Variants in FAM222A observed in about 807,000 individuals in gnomAD.
FAM222A encodes protein FAM222A.
In FAM222A, 7 loss-of-function variants were observed where a neutral mutation model predicts 25.8. The observed-to-expected ratio is 0.27, with a 90% CI of 0.15 to 0.51. FAM222A has a LOEUF of 0.51. Ranked by LOEUF, FAM222A falls within the 20% of genes least tolerant of loss-of-function variation. FAM222A has a pLI of 0.97. For synonymous variants in FAM222A, 294 were observed against 298.8 expected, an observed-to-expected ratio of 0.98 and a Z score of 0.17; for missense variants, 573 against 640.5, an observed-to-expected ratio of 0.89 and a Z score of 1.14.
chr12:109,736,224 C>G (rs114362873), intron 1 of FAM222A, among the ~76,000 whole-genome samples: 1,620 of 152,334 alleles, frequency 0.011, 25 homozygotes, highest in Middle Eastern at 0.041. Flanking sequence ...TCCTCTCTCT[C>G]AAGTCTCCAT....
At chr12:109,757,345 T>C (rs1888759974) in intron 2 of FAM222A, among the ~76,000 whole-genome samples, 1 of 151,818 alleles carries the variant, frequency 6.6e-6, no homozygotes, top group South Asian at 2.1e-4. Context: ...AGTATCAGGG[T>C]TGGGGAAGGG....
At chr12:109,764,925 CACTTAGG>C (rs1889001009) in intron 2 of FAM222A, among the ~76,000 whole-genome samples, 1 of 152,174 alleles carries the variant, frequency 6.6e-6, no homozygotes, top group Non-Finnish European at 1.5e-5. Context: ...TATTTTAGGC[CACTTAGG>C]AGGAGGCTGC....
intron 2 of FAM222A, among the ~76,000 whole-genome samples, chr12:109,748,334 CTTTTTT>C (rs61492433): frequency 3.7e-5 from 3 of 81,634 alleles, no homozygotes; most frequent in African/African-American, 7.9e-5. Context: ...GGTTTTCTTT[CTTTTTT>C]TTTTTTTTTT....
chr12:109,735,214 C>T (rs1888053331), intron 1 of FAM222A, among the ~76,000 whole-genome samples: 1 of 152,230 alleles, frequency 6.6e-6, no homozygotes, highest in African/African-American at 2.4e-5. Flanking sequence ...AGTCTTCTTC[C>T]TCCCCGTCCC....
At chr12:109,744,400 C>T (rs1422533993) in intron 2 of FAM222A, 172 bp downstream of exon 2, 13 of 985,328 alleles carry the variant, frequency 1.3e-5, no homozygotes, top group African/African-American at 5.2e-5. Context: ...CCCAAAATGA[C>T]ACCCACTCCT....
chr12:109,715,195 C>G (rs905196471), intron 1 of FAM222A, among the ~76,000 whole-genome samples: 1 of 152,012 alleles, frequency 6.6e-6, no homozygotes, highest in East Asian at 1.9e-4. Flanking sequence ...GAAAATTCCC[C>G]GGGAACTCCA....
At chr12:109,767,465 C>T (rs1485086762) in intron 2 of FAM222A, among the ~76,000 whole-genome samples, 3 of 152,184 alleles carry the variant, frequency 2.0e-5, no homozygotes, top group African/African-American at 4.8e-5. Context: ...CACTGCACTC[C>T]AGCCTGGGTG....
chr12:109,735,098 TA>T (rs1420236942), intron 1 of FAM222A, among the ~76,000 whole-genome samples: 1 of 152,324 alleles, frequency 6.6e-6, no homozygotes, highest in African/African-American at 2.4e-5. Context: ...AGCATTGGGC[TA>T]AAAGCTAAGG....
At chr12:109,734,101 C>A (rs1888013320) in intron 1 of FAM222A, 1 of 151,142 alleles carries the variant, frequency 6.6e-6, no homozygotes, top group South Asian at 2.1e-4. Context: ...GTCCCAGCTA[C>A]TTGAGAGGTT....
rs1430428191 is a variant in FAM222A, at chr12:109,768,658, C to T, written c.729C>T (p.Ala243=). 1 of 1,599,008 alleles carries T rather than the reference C, an allele frequency of 6.3e-7. No homozygotes were observed. The highest frequency in any genetic ancestry group is 8.5e-7 in the Non-Finnish European group (1 of 1,178,386). The change falls in exon 3 of 3, where the codon GCC becomes GCT. Residue 243 remains alanine, a synonymous_variant. Transcript: ENST00000538780. ...HGPVPSFPSM[A]YSAAAGLPDC... is the part of the protein sequence containing the mutation. ...CAGTGCCCAGCTTCCCCAGCATGGC[C>T]TACTCGGCTGCAGCCGGTCTGCCCG...
rs776363305 is a variant in FAM222A at position 109,723,722 on chromosome 12, C to T, written c.-47+8825C>T. Among the ~76,000 whole-genome samples, 5 of 152,242 alleles carry T rather than the reference C, an allele frequency of 3.3e-5. No homozygotes were observed. The East Asian group carries it at 7.7e-4, about 24-fold the overall frequency. On this transcript the variant is annotated intron_variant, in intron 1 of 2. Transcript: ENST00000538780. ...GGGCTGCTGTGATGCCGCATCGCAT[C>T]GGCCTGGGCCCCAAGCCCAGAGCAG...
chr12:109,726,388 G>A (rs567664476), intron 1 of FAM222A, among the ~76,000 whole-genome samples: 45 of 152,326 alleles, frequency 3.0e-4, no homozygotes, highest in African/African-American at 1.0e-3. Flanking sequence ...CACAGACCCT[G>A]TGAGGGTGAG....
At chr12:109,755,776 A>C (rs1189589923) in intron 2 of FAM222A, among the ~76,000 whole-genome samples, 1 of 152,248 alleles carries the variant, frequency 6.6e-6, no homozygotes, top group Admixed American at 6.5e-5. Flanking sequence ...TGTGAAAATC[A>C]ATTGACCATA....
chr12:109,725,601 C>A (rs564197484), intron 1 of FAM222A, among the ~76,000 whole-genome samples: 1 of 152,160 alleles, frequency 6.6e-6, no homozygotes, highest in Admixed American at 6.5e-5. Context: ...GAAACATCCC[C>A]ATTTCCTGGG....
intron 1 of FAM222A, chr12:109,720,145 G>C (rs969307508): frequency 1.0e-6 from 1 of 985,448 alleles, no homozygotes; most frequent in African/African-American, 1.7e-5. Flanking sequence ...GGCCAGTCCT[G>C]GCCCCACAGC....
chr12:109,720,220 C>T lies in FAM222A; in HGVS notation c.-47+5323C>T, dbSNP rs1424682945. On this transcript the variant is annotated intron_variant, in intron 1 of 2. Transcript: ENST00000538780. ...GGGGCCCCTGCTATTGTGCAGAGGGCACAGGGGACAAAGGCCTGGGAGGTC... is the reference window on the plus strand; with the variant it reads ...GGGGCCCCTGCTATTGTGCAGAGGGTACAGGGGACAAAGGCCTGGGAGGTC... The T allele has an allele frequency of 9.2e-6, 9 of 981,790 alleles. No individual in the cohort carries two copies. In the African/African-American group the frequency reaches 1.6e-4, roughly 17 times the overall value. The allele number at this position is 981,790 out of a possible 1,614,324, so 60.8% of individuals were successfully genotyped here.
intron 2 of FAM222A, among the ~76,000 whole-genome samples, chr12:109,752,309 C>G (rs569413014): frequency 6.6e-6 from 1 of 152,258 alleles, no homozygotes; most frequent in East Asian, 1.9e-4. Flanking sequence ...GTGACTCTGC[C>G]TGTAATTGAA....
intron 1 of FAM222A, among the ~76,000 whole-genome samples, chr12:109,720,743 G>A (rs569737927): frequency 5.3e-5 from 8 of 152,374 alleles, no homozygotes; most frequent in Middle Eastern, 3.4e-3. Flanking sequence ...GCCTTGAAAG[G>A]TGGTGTGTAC....
At chr12:109,765,626 CA>C (rs1262867118) in intron 2 of FAM222A, among the ~76,000 whole-genome samples, 4 of 152,236 alleles carry the variant, frequency 2.6e-5, no homozygotes, top group African/African-American at 9.6e-5. Context: ...TCTGGACCCC[CA>C]TGTCCCGCCA....
Sources: allele counts gnomAD v4.1 joint callset (sites outside exome capture counted in the v4.1 genomes callset), GRCh38; gene constraint gnomAD v4.1.1; transcripts MANE v1.5; gene names NCBI Gene and HGNC (gene_info 2026-07-23, HGNC 2026-07-21).